Variants in MVB12B observed in about 807,000 individuals in gnomAD.
The protein encoded by MVB12B is multivesicular body subunit 12B.
Under a neutral mutation model 41.6 loss-of-function variants are expected in MVB12B, and 16 were observed. That is an observed-to-expected ratio of 0.38 (90% confidence interval 0.26 to 0.58). The LOEUF (loss-of-function observed/expected upper bound fraction) is 0.58. Ranked by LOEUF, MVB12B falls within the 20% of genes least tolerant of loss-of-function variation. The pLI, the probability that MVB12B is intolerant of heterozygous loss-of-function variation, is 0.62. For synonymous variants in MVB12B, 133 were observed against 139.7 expected, an observed-to-expected ratio of 0.95 and a Z score of 0.34; for missense variants, 274 against 380.2, an observed-to-expected ratio of 0.72 and a Z score of 2.32.
intron 9 of MVB12B, among the ~76,000 whole-genome samples, chr9:126,484,395 T>C (rs1163076202): frequency 6.6e-6 from 1 of 152,242 alleles, no homozygotes; most frequent in Non-Finnish European, 1.5e-5. Flanking sequence ...TTTGTTTTAT[T>C]ATTTGCCACC....
intron 2 of MVB12B, among the ~76,000 whole-genome samples, chr9:126,342,590 G>A (rs771775990): frequency 8.5e-5 from 13 of 152,154 alleles, no homozygotes; most frequent in African/African-American, 1.4e-4. Flanking sequence ...TCATCCGCCC[G>A]GTAATTACCC....
At position 126,392,429 on chromosome 9, in the gene MVB12B, A is replaced by G. The variant is rs1830985925; in HGVS notation, c.539+234A>G. Among the ~76,000 whole-genome samples, 1 of 152,024 alleles carries G rather than the reference A, an allele frequency of 6.6e-6. No individual in the cohort carries two copies. The highest frequency in any genetic ancestry group is 2.4e-5 in the African/African-American group (1 of 41,380). On this transcript the variant is annotated intron_variant, in intron 5 of 9. Coordinates refer to ENST00000361171, the MANE Select transcript of MVB12B (RefSeq NM_033446.3). This position sits in a 1 kb window ranked among gnomAD's most constrained non-coding sequence, Gnocchi z 4.8. ...TCCTCCCCTGCCCTTCTGCGCATTC[A>G]GCCTTGAAGCTCCTCTGGGTCCTTC...
chr9:126,348,795 A>G (rs568413464), intron 2 of MVB12B, among the ~76,000 whole-genome samples: 1 of 152,286 alleles, frequency 6.6e-6, no homozygotes, highest in African/African-American at 2.4e-5. Flanking sequence ...AGGAAGTACT[A>G]CAGAGAGATC....
At chr9:126,443,088 C>A (rs1403302157) in intron 7 of MVB12B, among the ~76,000 whole-genome samples, 1 of 152,204 alleles carries the variant, frequency 6.6e-6, no homozygotes, top group Non-Finnish European at 1.5e-5. Flanking sequence ...TTATCTTCAA[C>A]CCATCAAGAG....
At chr9:126,417,080 G>A (rs913469671) in intron 6 of MVB12B, among the ~76,000 whole-genome samples, 1 of 152,196 alleles carries the variant, frequency 6.6e-6, no homozygotes, top group Non-Finnish European at 1.5e-5. Context: ...TGCTTCCTGT[G>A]TCCAGGAGTA....
chr9:126,398,769 A>G (rs1243897667), intron 6 of MVB12B, among the ~76,000 whole-genome samples: 1 of 152,246 alleles, frequency 6.6e-6, no homozygotes, highest in Admixed American at 6.5e-5. Flanking sequence ...AGGAGGACCT[A>G]GGAAGCGGTG....
intron 6 of MVB12B, among the ~76,000 whole-genome samples, chr9:126,414,596 G>T (rs1169829775): frequency 2.0e-5 from 3 of 152,190 alleles, no homozygotes; most frequent in Non-Finnish European, 4.4e-5. Flanking sequence ...TACTGGGGAA[G>T]GTGCCAGAAG....
intron 2 of MVB12B, among the ~76,000 whole-genome samples, chr9:126,369,283 A>G (rs1227693094): frequency 6.6e-6 from 1 of 152,258 alleles, no homozygotes; most frequent in East Asian, 1.9e-4. Flanking sequence ...GATTTGAAAT[A>G]AAAAGTTTCT....
intron 2 of MVB12B, among the ~76,000 whole-genome samples, chr9:126,344,310 C>G (rs1231765922): frequency 6.6e-6 from 1 of 152,144 alleles, no homozygotes; most frequent in African/African-American, 2.4e-5. Flanking sequence ...AAGGGAAGTC[C>G]TTATAGATGA....
intron 9 of MVB12B, among the ~76,000 whole-genome samples, chr9:126,495,471 T>C (rs1833810974): frequency 1.3e-5 from 2 of 152,230 alleles, no homozygotes; most frequent in African/African-American, 4.8e-5. Flanking sequence ...TATCTTTCAT[T>C]TTCCTACTTT....
intron 6 of MVB12B, among the ~76,000 whole-genome samples, chr9:126,416,118 C>A (rs555517025): frequency 4.6e-5 from 7 of 152,348 alleles, no homozygotes; most frequent in Non-Finnish European, 8.8e-5. Context: ...CATCCTGATG[C>A]AGAGGAAAGG....
intron 2 of MVB12B, among the ~76,000 whole-genome samples, chr9:126,342,058 CTT>C (rs1426186723): frequency 2.0e-5 from 3 of 152,246 alleles, no homozygotes; most frequent in Admixed American, 1.3e-4. Context: ...GAATGTATAA[CTT>C]TCCATAAAAT....
intron 6 of MVB12B, among the ~76,000 whole-genome samples, chr9:126,399,024 T>C (rs759276210): frequency 1.2e-4 from 19 of 152,146 alleles, no homozygotes; most frequent in Non-Finnish European, 1.8e-4. Context: ...GAACTGCCTC[T>C]AGAAGCAGGA....
chr9:126,457,378 T>C (rs914773941), intron 7 of MVB12B, among the ~76,000 whole-genome samples: 1 of 152,214 alleles, frequency 6.6e-6, no homozygotes, highest in Non-Finnish European at 1.5e-5. Flanking sequence ...GAGCTGCATC[T>C]GACTGGCTCG....
chr9:126,455,339 C>T (rs887459286), intron 7 of MVB12B, among the ~76,000 whole-genome samples: 1 of 151,882 alleles, frequency 6.6e-6, no homozygotes, highest in East Asian at 1.9e-4. Flanking sequence ...AGGCACGTGC[C>T]ACCACGCCCA....
intron 7 of MVB12B, among the ~76,000 whole-genome samples, chr9:126,472,109 G>T (rs1034129688): frequency 6.6e-6 from 1 of 152,048 alleles, no homozygotes; most frequent in Non-Finnish European, 1.5e-5. Context: ...GAGGGATAAG[G>T]GTTGGCGGCT....
intron 9 of MVB12B, among the ~76,000 whole-genome samples, chr9:126,495,372 G>T (rs1833809318): frequency 1.3e-5 from 2 of 152,228 alleles, no homozygotes; most frequent in Non-Finnish European, 2.9e-5. Flanking sequence ...GCAAGTCATG[G>T]TTTTGTCTTT....
chr9:126,327,182 C>G, intron 1 of MVB12B, 172 bp downstream of exon 1: 2 of 908,784 alleles, frequency 2.2e-6, no homozygotes, highest in Non-Finnish European at 2.6e-6. Flanking sequence ...GCCCGGGCGG[C>G]CTTTGCAGAG....
intron 7 of MVB12B, among the ~76,000 whole-genome samples, chr9:126,476,876 C>CAAAA (rs35160593): frequency 2.2e-4 from 14 of 63,618 alleles, no homozygotes; most frequent in Non-Finnish European, 2.4e-4. Flanking sequence ...GACTCCATCT[C>CAAAA]AAAAAAAAAA....
Sources: allele counts gnomAD v4.1 joint callset (sites outside exome capture counted in the v4.1 genomes callset), GRCh38; gene constraint gnomAD v4.1.1; non-coding constraint Gnocchi (gnomAD v3.1); transcripts MANE v1.5; gene names NCBI Gene and HGNC (gene_info 2026-07-23, HGNC 2026-07-21).